Variants in PRKN observed in about 807,000 individuals in gnomAD.
PRKN encodes parkin RBR E3 ubiquitin protein ligase.
In PRKN, 56 loss-of-function variants were observed where a neutral mutation model predicts 59.5. The ratio of observed to expected loss-of-function variants is 0.94; its 90% CI spans 0.76 to 1.18. The LOEUF is 1.18. Among genes scored for constraint, PRKN ranks in the 50% most tolerant of loss-of-function variants. PRKN has a pLI of 0.00. For missense variants in PRKN, 657 were observed against 596.4 expected (o/e 1.10, Z -1.06); for synonymous variants, 250 against 222.1 (o/e 1.13, Z -1.12).
intron 2 of PRKN, among the ~76,000 whole-genome samples, chr6:162,384,426 C>T (rs1324333911): frequency 6.6e-6 from 1 of 152,056 alleles, no homozygotes; most frequent in African/African-American, 2.4e-5. Context: ...AGTCAGAAGA[C>T]ACACATTAAG....
In PRKN at chr6:161,819,497, AT is replaced by A. The variant is rs536170959; in HGVS notation, c.735-33590del. Among the ~76,000 whole-genome samples, 1,093 of 152,282 alleles carry A rather than the reference AT, an allele frequency of 7.2e-3. 14 individuals are homozygous for A. Among genetic ancestry groups the A allele is most frequent in the African/African-American group, 0.025 (1,050 of 41,540 alleles). On this transcript the variant is annotated intron_variant, in intron 6 of 11. Coordinates refer to ENST00000366898, the MANE Select transcript of PRKN (RefSeq NM_004562.3). ...AAGAGTGAGACTCTGTCTCAAAAAA[AT>A]AAAAATAAAAATAATAGCAAATAAT...
intron 5 of PRKN, among the ~76,000 whole-genome samples, chr6:161,973,970 C>G (rs1780925615): frequency 6.6e-6 from 1 of 152,202 alleles, no homozygotes; most frequent in Non-Finnish European, 1.5e-5. Flanking sequence ...CTGGTAGACA[C>G]AGAAGTGCAG....
rs2128206616 is a variant in PRKN at position 161,785,779 on chromosome 6, A to G, written c.864T>C (p.Pro288=). 1.2e-6 allele frequency: 2 copies of G among 1,613,968 alleles called. No individual in the cohort carries two copies. Among genetic ancestry groups the G allele is most frequent in the Non-Finnish European group, 1.7e-6 (2 of 1,179,898 alleles). ...AAAACATGCTAGACTTACCCACACA[A>G]GGCAGGGAGTAGCCAAGTTGAGGGT... The part of the protein sequence containing the change: ...VHDPQLGYSL[P]CVAGCPNSLI... Residue 288 remains proline, a synonymous_variant, in exon 7 of 12, where the codon CCT becomes CCC. Coordinates refer to ENST00000366898, the MANE Select transcript of PRKN (RefSeq NM_004562.3).
chr6:161,902,209 T>C (rs917381957), intron 6 of PRKN, among the ~76,000 whole-genome samples: 5 of 152,146 alleles, frequency 3.3e-5, no homozygotes, highest in Non-Finnish European at 5.9e-5. Context: ...GGCACTCCCC[T>C]GGCCGGCCCC....
At chr6:162,246,771 A>T (rs865896570) in intron 3 of PRKN, among the ~76,000 whole-genome samples, 1 of 152,154 alleles carries the variant, frequency 6.6e-6, no homozygotes, top group South Asian at 2.1e-4. Flanking sequence ...CTATTTTTCA[A>T]TCACAAAATC....
intron 1 of PRKN, among the ~76,000 whole-genome samples, chr6:162,659,086 G>A (rs1393414757): frequency 6.6e-6 from 1 of 152,098 alleles, no homozygotes; most frequent in African/African-American, 2.4e-5. Flanking sequence ...TTAATCATTT[G>A]CAATCTTTCA....
intron 7 of PRKN, among the ~76,000 whole-genome samples, chr6:161,752,382 CA>C (rs79707566): frequency 0.5 from 75,136 of 151,538 alleles, 21,362 homozygotes; most frequent in Admixed American, 0.65. Flanking sequence ...AACAAAAAAA[CA>C]AAACAAAACA....
chr6:161,917,597 T>C (rs1778618130), intron 6 of PRKN, among the ~76,000 whole-genome samples: 1 of 152,178 alleles, frequency 6.6e-6, no homozygotes, highest in Non-Finnish European at 1.5e-5. Flanking sequence ...TATGGCCAAG[T>C]GAATAGATCT....
intron 6 of PRKN, among the ~76,000 whole-genome samples, chr6:161,958,279 T>C (rs1446647313): frequency 6.6e-6 from 1 of 152,198 alleles, no homozygotes; most frequent in African/African-American, 2.4e-5. Flanking sequence ...TTGTATTTCT[T>C]AAAAGACACG....
rs796116645 is a variant in PRKN at position 161,874,240 on chromosome 6, A to T, written c.735-88332T>A. Among the ~76,000 whole-genome samples, 120 of 15,084 alleles carry T rather than the reference A, an allele frequency of 8.0e-3. 25 individuals are homozygous for T. The highest frequency in any genetic ancestry group is 0.02 in the African/African-American group (109 of 5,446). 9.9% of individuals were successfully genotyped at this position (15,084 alleles called of 152,430 possible). On this transcript the variant is annotated intron_variant, in intron 6 of 11. Transcript: ENST00000366898. ...ATAATATATATTATATATAATATAT[A>T]ATATATAATATATATTATATGTAAA...
chr6:161,939,418 CAAAAA>C (rs34604240), intron 6 of PRKN, among the ~76,000 whole-genome samples: 1 of 39,594 alleles, frequency 2.5e-5, no homozygotes, highest in South Asian at 1.2e-3. Flanking sequence ...GACTCTGTCT[CAAAAA>C]AAAAAAAAAA....
intron 7 of PRKN, among the ~76,000 whole-genome samples, chr6:161,694,965 T>C (rs550879099): frequency 4.6e-5 from 7 of 152,274 alleles, no homozygotes; most frequent in South Asian, 4.1e-4. Flanking sequence ...GACCTCATCA[T>C]TAATTGTCCT....
chr6:161,900,910 T>TTTTATATA (rs377407497), intron 6 of PRKN, among the ~76,000 whole-genome samples: 1 of 138,742 alleles, frequency 7.2e-6, no homozygotes, highest in African/African-American at 2.8e-5. Context: ...ATATGTTAAA[T>TTTTATATA]TGTATATATA....
intron 4 of PRKN, among the ~76,000 whole-genome samples, chr6:162,070,646 G>A (rs1328115870): frequency 4.6e-5 from 7 of 152,076 alleles, no homozygotes; most frequent in Non-Finnish European, 1.5e-5. Flanking sequence ...TTTTTCCAGG[G>A]ACCCAGTGGG....
chr6:162,124,492 A>G (rs971262338), intron 4 of PRKN, among the ~76,000 whole-genome samples: 1 of 152,184 alleles, frequency 6.6e-6, no homozygotes, highest in East Asian at 1.9e-4. Flanking sequence ...TTAAGCAAGA[A>G]AAGCCCATTG....
chr6:161,693,554 C>A (rs973152255), intron 7 of PRKN, among the ~76,000 whole-genome samples: 2 of 152,156 alleles, frequency 1.3e-5, no homozygotes, highest in African/African-American at 2.4e-5. Flanking sequence ...GAGGCCATAG[C>A]TCTGGGGTTC....
intron 1 of PRKN, among the ~76,000 whole-genome samples, chr6:162,539,861 C>G (rs1284497269): frequency 6.6e-6 from 1 of 152,144 alleles, no homozygotes; most frequent in African/African-American, 2.4e-5. Context: ...AGAAATACCA[C>G]AGTCATAATT....
At chr6:162,530,227 G>C (rs1778456674) in intron 1 of PRKN, among the ~76,000 whole-genome samples, 1 of 152,118 alleles carries the variant, frequency 6.6e-6, no homozygotes, top group African/African-American at 2.4e-5. Flanking sequence ...GATTTGCCTG[G>C]AAATGGAAGT....
intron 4 of PRKN, among the ~76,000 whole-genome samples, chr6:162,080,889 G>A (rs1443111772): frequency 2.6e-5 from 4 of 152,060 alleles, no homozygotes; most frequent in African/African-American, 4.8e-5. Context: ...GATCATCTAA[G>A]TTTATTTCAT....
Sources: allele counts gnomAD v4.1 joint callset (sites outside exome capture counted in the v4.1 genomes callset), GRCh38; gene constraint gnomAD v4.1.1; transcripts MANE v1.5; gene names NCBI Gene and HGNC (gene_info 2026-07-23, HGNC 2026-07-21).